Variants in GALNTL6 observed in about 807,000 individuals in gnomAD.
The protein encoded by GALNTL6 is polypeptide N-acetylgalactosaminyltransferase like 6, also known as polypeptide N-acetylgalactosaminyltransferase-like 6.
A neutral mutation model predicts 73.7 loss-of-function variants in GALNTL6; 46 were observed. That is an observed-to-expected ratio of 0.62 (90% CI 0.49 to 0.80). The LOEUF is 0.80. GALNTL6 is among the 30% of genes least tolerant of loss of function. The pLI is 0.00. For synonymous variants in GALNTL6, 259 were observed against 263.7 expected, an observed-to-expected ratio of 0.98 and a Z score of 0.17; for missense variants, 604 against 755.0, an observed-to-expected ratio of 0.80 and a Z score of 2.34.
intron 7 of GALNTL6, among the ~76,000 whole-genome samples, chr4:172,875,665 T>C (rs537090808): frequency 6.6e-6 from 1 of 151,770 alleles, no homozygotes; most frequent in African/African-American, 2.4e-5. Context: ...TATCACTTAT[T>C]GTAGGAATGA....
intron 2 of GALNTL6, among the ~76,000 whole-genome samples, chr4:172,021,281 A>G (rs1741392396): frequency 6.6e-6 from 1 of 152,044 alleles, no homozygotes; most frequent in Non-Finnish European, 1.5e-5. Context: ...AGTCCTAGCT[A>G]GAGCAATCAG....
intron 2 of GALNTL6, among the ~76,000 whole-genome samples, chr4:172,205,825 T>C (rs1271883025): frequency 6.6e-6 from 1 of 152,248 alleles, no homozygotes; most frequent in African/African-American, 2.4e-5. Flanking sequence ...CTTGGAAATC[T>C]TTGTTCCGGA....
chr4:172,912,662 G>C (rs1022557330), intron 8 of GALNTL6, among the ~76,000 whole-genome samples: 1 of 152,336 alleles, frequency 6.6e-6, no homozygotes, highest in Admixed American at 6.5e-5. Context: ...CAGCGAGGGT[G>C]GGGGAGGGGC....
intron 11 of GALNTL6, among the ~76,000 whole-genome samples, chr4:173,012,922 G>A (rs1197705292): frequency 6.6e-6 from 1 of 152,158 alleles, no homozygotes; most frequent in African/African-American, 2.4e-5. Context: ...TGGCTCACTT[G>A]AGGTCAGGAG....
intron 2 of GALNTL6, among the ~76,000 whole-genome samples, chr4:172,117,948 A>G (rs1733031200): frequency 6.6e-6 from 1 of 152,174 alleles, no homozygotes; most frequent in Non-Finnish European, 1.5e-5. Context: ...ATACAGAAAC[A>G]TTCTGGTGAG....
chr4:172,761,685 C>CTT (rs1192314089), intron 5 of GALNTL6, among the ~76,000 whole-genome samples: 1 of 151,662 alleles, frequency 6.6e-6, no homozygotes, highest in Non-Finnish European at 1.5e-5. Context: ...CTCTCTCTCT[C>CTT]TCTCTCTCTC....
intron 5 of GALNTL6, among the ~76,000 whole-genome samples, chr4:172,533,956 C>T (rs1735255602): frequency 6.6e-6 from 1 of 152,008 alleles, no homozygotes; most frequent in South Asian, 2.1e-4. Flanking sequence ...TGTGTTCTTC[C>T]AGAAACAGAT....
At chr4:171,976,612 G>A (rs548300383) in intron 2 of GALNTL6, among the ~76,000 whole-genome samples, 22 of 152,166 alleles carry the variant, frequency 1.4e-4, no homozygotes, top group Non-Finnish European at 2.9e-4. Flanking sequence ...ACTATACTAC[G>A]CACTATTTTG....
intron 2 of GALNTL6, among the ~76,000 whole-genome samples, chr4:172,204,980 T>C (rs1736060625): frequency 6.6e-6 from 1 of 152,192 alleles, no homozygotes; most frequent in Admixed American, 6.5e-5. Flanking sequence ...CTGTAGCTTA[T>C]GGTCTGCATT....
chr4:171,985,986 C>T (rs962530812), intron 2 of GALNTL6, among the ~76,000 whole-genome samples: 4 of 123,812 alleles, frequency 3.2e-5, no homozygotes, highest in Non-Finnish European at 6.2e-5. Context: ...TGCAGTGAGC[C>T]GAGAATGCAC....
At chr4:171,914,087 G>A (rs1413714610) in intron 2 of GALNTL6, among the ~76,000 whole-genome samples, 2 of 152,034 alleles carry the variant, frequency 1.3e-5, no homozygotes, top group Non-Finnish European at 2.9e-5. Flanking sequence ...CAGAACAAAA[G>A]GAAATAAAAC....
At chr4:172,656,509 A>T (rs1376669367) in intron 5 of GALNTL6, among the ~76,000 whole-genome samples, 2 of 152,168 alleles carry the variant, frequency 1.3e-5, no homozygotes, top group Admixed American at 1.3e-4. Flanking sequence ...TAGAATACAG[A>T]CAAGATTCCT....
chr4:172,239,043 G>T (rs1158952716), intron 3 of GALNTL6, among the ~76,000 whole-genome samples: 2 of 152,084 alleles, frequency 1.3e-5, no homozygotes, highest in East Asian at 1.9e-4. Flanking sequence ...GTTCATCAAA[G>T]ATATTAGCCT....
At chr4:172,261,738 C>T (rs552323134) in intron 3 of GALNTL6, among the ~76,000 whole-genome samples, 1 of 151,434 alleles carries the variant, frequency 6.6e-6, no homozygotes, top group East Asian at 1.9e-4. Context: ...GCAATTAATG[C>T]TATGAACTTT....
At chr4:172,902,922 G>A (rs1018462604) in intron 8 of GALNTL6, among the ~76,000 whole-genome samples, 5 of 152,164 alleles carry the variant, frequency 3.3e-5, no homozygotes, top group Admixed American at 2.0e-4. Flanking sequence ...CTCCGAAGGA[G>A]CTGACTCTTC....
At chr4:172,552,834 C>A (rs1579182189) in intron 5 of GALNTL6, among the ~76,000 whole-genome samples, 6 of 6,476 alleles carry the variant, frequency 9.3e-4, no homozygotes, top group East Asian at 4.4e-3. Context: ...AAAGTAATTG[C>A]AGTAAAAAAA....
chr4:172,585,701 G>C (rs1400544659), intron 5 of GALNTL6, among the ~76,000 whole-genome samples: 2 of 152,042 alleles, frequency 1.3e-5, no homozygotes, highest in Non-Finnish European at 2.9e-5. Flanking sequence ...ATTGTAAATA[G>C]TGCTGCAATA....
chr4:172,087,317 C>A (rs1362010833), intron 2 of GALNTL6, among the ~76,000 whole-genome samples: 1 of 151,560 alleles, frequency 6.6e-6, no homozygotes, highest in African/African-American at 2.4e-5. Context: ...TGGGGGTGGG[C>A]GCCTGTAGTC....
chr4:172,137,249 T>A (rs1733662461), intron 2 of GALNTL6, among the ~76,000 whole-genome samples: 2 of 152,190 alleles, frequency 1.3e-5, no homozygotes, highest in Non-Finnish European at 2.9e-5. Context: ...CTTTTTAACT[T>A]TGTAAAAGGA....
Sources: gnomAD v4.1 joint callset for allele counts (sites outside exome capture counted in the v4.1 genomes callset) on GRCh38, gnomAD v4.1.1 for gene constraint, MANE v1.5 for transcripts, NCBI Gene and HGNC (gene_info 2026-07-23, HGNC 2026-07-21) for gene names.